KCNMB2: variants seen among roughly 807,000 people sequenced by gnomAD.
KCNMB2 encodes the protein potassium calcium-activated channel subfamily M regulatory beta subunit 2, also known as calcium-activated potassium channel subunit beta-2.
KCNMB2 carries 9 observed loss-of-function variants against 24.5 expected under a neutral mutation model. The observed-to-expected ratio is 0.37, with a 90% CI of 0.22 to 0.64. The LOEUF is 0.64. Ranked by LOEUF, KCNMB2 falls within the 30% of genes least tolerant of loss-of-function variation. The pLI is 0.63. For synonymous variants in KCNMB2, 109 were observed against 104.4 expected, an observed-to-expected ratio of 1.04 and a Z score of -0.27; for missense variants, 226 against 284.3, an observed-to-expected ratio of 0.79 and a Z score of 1.47.
chr3:178,754,720 C>T (rs191391163), intron 1 of KCNMB2, among the ~76,000 whole-genome samples: 1 of 152,276 alleles, frequency 6.6e-6, no homozygotes, highest in Admixed American at 6.5e-5. Context: ...TGTAACAAAG[C>T]ATGAAGGCGA....
intron 1 of KCNMB2, among the ~76,000 whole-genome samples, chr3:178,634,265 C>T (rs1014451874): frequency 5.9e-5 from 9 of 152,074 alleles, no homozygotes; most frequent in Non-Finnish European, 1.2e-4. Context: ...AGCAGCACTC[C>T]ACTCTCTGCA....
intron 1 of KCNMB2, among the ~76,000 whole-genome samples, chr3:178,754,474 A>T (rs917838001): frequency 6.6e-6 from 1 of 152,110 alleles, no homozygotes; most frequent in Admixed American, 6.6e-5. Flanking sequence ...AATGTTTGCT[A>T]ATCTATTTAT....
At chr3:178,584,076 A>G (rs898072495) in intron 1 of KCNMB2, among the ~76,000 whole-genome samples, 3 of 152,232 alleles carry the variant, frequency 2.0e-5, no homozygotes, top group African/African-American at 7.2e-5. Flanking sequence ...AAGGAGATGT[A>G]CAGAAGACAA....
At chr3:178,820,122 C>T (rs1257142212) in intron 2 of KCNMB2, among the ~76,000 whole-genome samples, 1 of 152,106 alleles carries the variant, frequency 6.6e-6, no homozygotes. Flanking sequence ...ATATTTAAAA[C>T]AATACTCCTT....
rs578144063 is a variant in KCNMB2, at chr3:178,778,387, G to A, written c.-67-28956G>A. Among the ~76,000 whole-genome samples the A allele has an allele frequency of 1.3e-3, 201 of 151,592 alleles. 1 individual carries two copies. The Middle Eastern group carries it at 0.024, about 18-fold the overall frequency. On this transcript the variant is annotated intron_variant, in intron 1 of 4. Transcript: ENST00000452583. ...AACTCAAAGCCACATGGTCAATAAG[G>A]AGGAAAGCTGAGAGTCAGTCATGTG...
At position 178,828,378 on chromosome 3, in the gene KCNMB2, G is replaced by GA; in HGVS notation, c.423+7dup. The GA allele has an allele frequency of 6.2e-7, 1 of 1,608,892 alleles. No homozygotes were observed. ...ACAATAAAAATCAATCAGAAGGTAGGAACTTGGCGTACTGCATTTCAGTTA... is the reference window on the plus strand; with the variant it reads ...ACAATAAAAATCAATCAGAAGGTAGGAAACTTGGCGTACTGCATTTCAGTTA... On this transcript the variant is annotated splice_donor_region_variant and intron_variant, in intron 4 of 4. Transcript: ENST00000452583.
intron 1 of KCNMB2, among the ~76,000 whole-genome samples, chr3:178,663,018 A>G (rs1018949142): frequency 4.6e-5 from 7 of 152,086 alleles, no homozygotes; most frequent in African/African-American, 1.4e-4. Flanking sequence ...GCTGGGCTCA[A>G]CTGAGATGGT....
chr3:178,616,020 G>A (rs1390728523), intron 1 of KCNMB2, among the ~76,000 whole-genome samples: 1 of 152,050 alleles, frequency 6.6e-6, no homozygotes, highest in Non-Finnish European at 1.5e-5. Flanking sequence ...TTATCTTGCT[G>A]TGGCTGAGTT....
chr3:178,778,324 T>C (rs895028179), intron 1 of KCNMB2, among the ~76,000 whole-genome samples: 7 of 152,040 alleles, frequency 4.6e-5, no homozygotes, highest in Non-Finnish European at 7.4e-5. Flanking sequence ...AATTCTATTT[T>C]AAAAATAAAA....
At chr3:178,566,798 C>T (rs886931541) in intron 1 of KCNMB2, among the ~76,000 whole-genome samples, 47 of 152,168 alleles carry the variant, frequency 3.1e-4, no homozygotes, top group Non-Finnish European at 5.9e-5. Flanking sequence ...ATTTACAGTG[C>T]ACACTTTGCA....
At chr3:178,774,758 C>T (rs1024648709) in intron 1 of KCNMB2, among the ~76,000 whole-genome samples, 2 of 152,164 alleles carry the variant, frequency 1.3e-5, no homozygotes, top group Admixed American at 6.5e-5. Context: ...CTTCTTTCCC[C>T]CTTTGTAATT....
intron 1 of KCNMB2, among the ~76,000 whole-genome samples, chr3:178,610,043 C>T (rs1718426493): frequency 6.6e-6 from 1 of 152,152 alleles, no homozygotes; most frequent in African/African-American, 2.4e-5. Flanking sequence ...ATCTTTTTTC[C>T]AGTGTATATT....
intron 1 of KCNMB2, among the ~76,000 whole-genome samples, chr3:178,664,557 G>C (rs935902094): frequency 6.6e-6 from 1 of 152,018 alleles, no homozygotes; most frequent in Non-Finnish European, 1.5e-5. Context: ...TGGCTTGTTT[G>C]CTCTGTAAAA....
At chr3:178,771,248 T>G (rs1348860016) in intron 1 of KCNMB2, among the ~76,000 whole-genome samples, 1 of 152,016 alleles carries the variant, frequency 6.6e-6, no homozygotes, top group Non-Finnish European at 1.5e-5. Context: ...TCTTTCTAAA[T>G]ACAATGTCAA....
intron 1 of KCNMB2, among the ~76,000 whole-genome samples, chr3:178,760,444 T>A (rs992868279): frequency 4.2e-5 from 6 of 141,694 alleles, no homozygotes; most frequent in Non-Finnish European, 7.6e-5. Context: ...GATATATATA[T>A]TATATATATA....
intron 1 of KCNMB2, among the ~76,000 whole-genome samples, chr3:178,780,576 C>T (rs1318542742): frequency 2.6e-5 from 4 of 152,116 alleles, no homozygotes; most frequent in Non-Finnish European, 5.9e-5. Flanking sequence ...ATGACACAGC[C>T]ATATCAAAAT....
intron 1 of KCNMB2, among the ~76,000 whole-genome samples, chr3:178,722,820 G>T (rs1229196788): frequency 6.6e-6 from 1 of 152,168 alleles, no homozygotes; most frequent in Non-Finnish European, 1.5e-5. Flanking sequence ...TTGAGCCCTG[G>T]GGGCGGAGGT....
intron 1 of KCNMB2, among the ~76,000 whole-genome samples, chr3:178,672,039 G>A (rs1424165038): frequency 1.3e-5 from 2 of 152,064 alleles, no homozygotes; most frequent in African/African-American, 4.8e-5. Flanking sequence ...CCAAACTACT[G>A]GAGACTCTTG....
At chr3:178,636,032 C>T (rs1327119262) in intron 1 of KCNMB2, among the ~76,000 whole-genome samples, 1 of 152,156 alleles carries the variant, frequency 6.6e-6, no homozygotes, top group African/African-American at 2.4e-5. Context: ...TTTTCCCAAG[C>T]TAAAGTAATT....
Sources: gnomAD v4.1 joint callset for allele counts (sites outside exome capture counted in the v4.1 genomes callset) on GRCh38, gnomAD v4.1.1 for gene constraint, MANE v1.5 for transcripts, NCBI Gene and HGNC (gene_info 2026-07-23, HGNC 2026-07-21) for gene names.